The following EEF1AKMT2 variants were observed in gnomAD, a reference collection of about 807,000 sequenced individuals.
EEF1AKMT2 encodes the protein eukaryotic translation elongation factor 1 alpha lysine methyltransferase 2.
EEF1AKMT2 carries 32 observed loss-of-function variants against 35.8 expected under a neutral mutation model. The ratio of observed to expected loss-of-function variants is 0.89; its 90% CI spans 0.67 to 1.20. EEF1AKMT2 has a LOEUF of 1.20. Among genes scored for constraint, EEF1AKMT2 ranks in the 50% most tolerant of loss-of-function variants. EEF1AKMT2 has a pLI of 0.00. For synonymous variants in EEF1AKMT2, 121 were observed against 133.7 expected, an observed-to-expected ratio of 0.91 and a Z score of 0.65; for missense variants, 330 against 347.5, an observed-to-expected ratio of 0.95 and a Z score of 0.40.
At chr10:124,756,693 A>G (rs1307527574), downstream of EEF1AKMT2, among the ~76,000 whole-genome samples, 1 of 152,198 alleles carries the variant, frequency 6.6e-6, no homozygotes. Context: ...TGCTAAGGTC[A>G]TATTCAATCA....
At chr10:124,757,026 A>G (rs1252440931), downstream of EEF1AKMT2, among the ~76,000 whole-genome samples, 1 of 152,108 alleles carries the variant, frequency 6.6e-6, no homozygotes, top group Non-Finnish European at 1.5e-5. Flanking sequence ...AGGATTTCCT[A>G]ATTTTTTTCC....
rs147052731 is a variant in EEF1AKMT2, at chr10:124,773,550, T to C, written c.399+1125A>G. Among the ~76,000 whole-genome samples, 22 of 152,266 alleles carry C rather than the reference T, an allele frequency of 1.4e-4. 1 individual carries two copies. The East Asian group carries it at 2.3e-3, about 16-fold the overall frequency. On this transcript the variant is annotated intron_variant, in intron 4 of 6. Coordinates refer to ENST00000368836, the MANE Select transcript of EEF1AKMT2 (RefSeq NM_212554.4). ...GCCTGTCCCACTGTAAGGTTTTTAA[T>C]TGGCCTAATTTCAATATTGCTGTGT...
At chr10:124,784,251 T>C (rs1387950080) in intron 3 of EEF1AKMT2, among the ~76,000 whole-genome samples, 1 of 152,132 alleles carries the variant, frequency 6.6e-6, no homozygotes. Flanking sequence ...GTTATCTGAC[T>C]ATAACTGAAT....
At chr10:124,770,551 G>A (rs1950423033) in intron 4 of EEF1AKMT2, among the ~76,000 whole-genome samples, 1 of 152,194 alleles carries the variant, frequency 6.6e-6, no homozygotes, top group Admixed American at 6.5e-5. Flanking sequence ...GGTATTGGTT[G>A]CTGAAGGCTG....
At chr10:124,772,702 A>G (rs1357968150) in intron 4 of EEF1AKMT2, among the ~76,000 whole-genome samples, 1 of 152,180 alleles carries the variant, frequency 6.6e-6, no homozygotes, top group Non-Finnish European at 1.5e-5. Flanking sequence ...TGCTAGGATT[A>G]CAGGCGTGAG....
At chr10:124,765,100 G>A (rs943198486) in intron 5 of EEF1AKMT2, among the ~76,000 whole-genome samples, 3 of 152,038 alleles carry the variant, frequency 2.0e-5, no homozygotes, top group South Asian at 2.1e-4. Flanking sequence ...ACAGGGTTTC[G>A]CCACATTGCC....
chr10:124,762,162 T>C (rs1476201056), intron 6 of EEF1AKMT2, 138 bp downstream of exon 6: 8 of 582,308 alleles, frequency 1.4e-5, no homozygotes, highest in Non-Finnish European at 1.9e-5. Flanking sequence ...CTAACGCCAA[T>C]GCGCCACCCC....
intron 4 of EEF1AKMT2, among the ~76,000 whole-genome samples, chr10:124,766,900 G>A (rs1444936323): frequency 1.3e-5 from 2 of 152,114 alleles, no homozygotes; most frequent in Non-Finnish European, 2.9e-5. Context: ...AGTGGCTCAC[G>A]CCTGTAATCC....
intron 3 of EEF1AKMT2, among the ~76,000 whole-genome samples, chr10:124,775,566 AG>A (rs893056859): frequency 1.6e-4 from 24 of 152,188 alleles, no homozygotes; most frequent in African/African-American, 5.3e-4. Context: ...AGTACAGTAT[AG>A]CCTGAAATTC....
At chr10:124,766,888 G>A (rs555585551) in intron 4 of EEF1AKMT2, among the ~76,000 whole-genome samples, 166 of 152,278 alleles carry the variant, frequency 1.1e-3, no homozygotes, top group African/African-American at 3.9e-3. Flanking sequence ...AGAGCCAGGC[G>A]CAGTGGCTCA....
chr10:124,776,663 T>C (rs1453797143), intron 3 of EEF1AKMT2, among the ~76,000 whole-genome samples: 1 of 151,518 alleles, frequency 6.6e-6, no homozygotes, highest in Non-Finnish European at 1.5e-5. Flanking sequence ...TTTGTGGTGG[T>C]GAGTGCCTGT....
intron 3 of EEF1AKMT2, among the ~76,000 whole-genome samples, chr10:124,779,945 C>G (rs529729564): frequency 6.6e-6 from 1 of 151,730 alleles, no homozygotes; most frequent in Admixed American, 6.6e-5. Context: ...CACATGTAGT[C>G]CCAGCTACTC....
At chr10:124,783,952 G>A (rs992033295) in intron 3 of EEF1AKMT2, among the ~76,000 whole-genome samples, 9 of 152,182 alleles carry the variant, frequency 5.9e-5, no homozygotes, top group African/African-American at 2.2e-4. Flanking sequence ...AGCCTCCCGA[G>A]TAGCTGGGAT....
At chr10:124,790,405 T>C in intron 1 of EEF1AKMT2, 67 bp from the exon 2 acceptor site, 1 of 1,092,688 alleles carries the variant, frequency 9.2e-7, no homozygotes, top group South Asian at 1.2e-5. Flanking sequence ...AAATGTATGT[T>C]TCTAATACAT....
intron 3 of EEF1AKMT2, among the ~76,000 whole-genome samples, chr10:124,785,346 G>T (rs115899762): frequency 0.051 from 7,691 of 151,220 alleles, 629 homozygotes; most frequent in African/African-American, 0.17. Context: ...GTTAGGCAGA[G>T]TCCTTTAATA....
chr10:124,763,456 C>T (rs1447255460), intron 5 of EEF1AKMT2, among the ~76,000 whole-genome samples: 1 of 152,160 alleles, frequency 6.6e-6, no homozygotes, highest in Non-Finnish European at 1.5e-5. Context: ...AGGAACAAGA[C>T]CTTTGGCAGT....
chr10:124,769,469 GA>G (rs935782416), intron 4 of EEF1AKMT2, among the ~76,000 whole-genome samples: 1 of 151,706 alleles, frequency 6.6e-6, no homozygotes, highest in African/African-American at 2.4e-5. Context: ...TGGAAGTTTT[GA>G]ACAGGCAGAT....
At chr10:124,784,500 T>C (rs1002140602) in intron 3 of EEF1AKMT2, among the ~76,000 whole-genome samples, 7 of 151,892 alleles carry the variant, frequency 4.6e-5, no homozygotes, top group African/African-American at 1.5e-4. Context: ...GATAAATTCA[T>C]AGCATTCATA....
chr10:124,761,192 C>T (rs1589777414), intron 6 of EEF1AKMT2, among the ~76,000 whole-genome samples: 1 of 152,182 alleles, frequency 6.6e-6, no homozygotes, highest in African/African-American at 2.4e-5. Flanking sequence ...TGCTAAGCGC[C>T]AGGCATTATT....
Sources: allele counts gnomAD v4.1 joint callset (sites outside exome capture counted in the v4.1 genomes callset), GRCh38; gene constraint gnomAD v4.1.1; transcripts MANE v1.5; gene names NCBI Gene and HGNC (gene_info 2026-07-23, HGNC 2026-07-21).